NOTCH2: variants seen among roughly 807,000 people sequenced by gnomAD.
NOTCH2 encodes the protein neurogenic locus notch homolog protein 2.
In NOTCH2, 29 loss-of-function variants were observed where a neutral mutation model predicts 235.8. The ratio of observed to expected loss-of-function variants is 0.12; its 90% CI spans 0.09 to 0.17. The LOEUF is 0.17. Ranked by LOEUF, NOTCH2 falls within the 10% of genes least tolerant of loss-of-function variation. NOTCH2 has a pLI of 1.00. For synonymous variants in NOTCH2, 1,086 were observed against 1,141.5 expected, an observed-to-expected ratio of 0.95 and a Z score of 0.98; for missense variants, 2,285 against 3,150.2, an observed-to-expected ratio of 0.73 and a Z score of 6.57.
chr1:119,980,927 C>T (rs1344976100), intron 5 of NOTCH2, among the ~76,000 whole-genome samples: 7 of 152,144 alleles, frequency 4.6e-5, no homozygotes, highest in Admixed American at 4.6e-4. Context: ...CCCCTTTTCT[C>T]ACTTTCCTTC....
chr1:119,967,950 C>CATGT, intron 7 of NOTCH2, 127 bp downstream of exon 7: 1 of 1,034,556 alleles, frequency 9.7e-7, no homozygotes, highest in African/African-American at 1.6e-5. Flanking sequence ...AAACACTGGC[C>CATGT]ATGTAGCAAG....
intron 30 of NOTCH2, 37 bp from the exon 31 acceptor site, chr1:119,919,650 G>A: frequency 1.3e-6 from 2 of 1,598,830 alleles, no homozygotes; most frequent in Admixed American, 1.7e-5. Context: ...TACTCAAGAA[G>A]GAGAAGGTAG....
intron 3 of NOTCH2, among the ~76,000 whole-genome samples, chr1:119,999,976 A>AAGAAAGG (rs58528085): frequency 5.3e-5 from 3 of 56,660 alleles, no homozygotes; most frequent in Admixed American, 1.8e-4. Context: ...AGAAAGAAAG[A>AAGAAAGG]AAGGAAGGAA....
intron 15 of NOTCH2, chr1:119,950,018 A>G (rs1553197544): frequency 5.9e-6 from 1 of 168,854 alleles, no homozygotes; most frequent in East Asian, 1.7e-4. Context: ...AAATGTCCCA[A>G]GCACACTCCA....
At chr1:119,979,325 G>GA in intron 5 of NOTCH2, among the ~76,000 whole-genome samples, 1 of 152,252 alleles carries the variant, frequency 6.6e-6, no homozygotes, top group Non-Finnish European at 1.5e-5. Flanking sequence ...TACAACAAAT[G>GA]AAAAAGAAGG....
chr1:119,948,948 G>T lies in NOTCH2; in HGVS notation c.2599+59C>A. 1.9e-6 allele frequency: 3 copies of T among 1,610,262 alleles called. No homozygotes were observed. In the South Asian group the frequency reaches 3.3e-5, roughly 18 times the overall value. ...GGCCTTCCATATGATCTGATAACCT[G>T]ACCACTTTGTTTAAAGTCAGAATGC... On this transcript the variant is annotated intron_variant, in intron 16 of 33. Transcript: ENST00000256646.
rs587606204 is a variant in NOTCH2 at position 119,920,276 on chromosome 1, T to A, written c.5432A>T (p.Gln1811Leu). The A allele has an allele frequency of 6.2e-7, 1 of 1,614,102 alleles. No individual in the cohort carries two copies. The highest frequency in any genetic ancestry group is 2.2e-5 in the East Asian group (1 of 44,882). Residue 1811 changes from glutamine to leucine, a missense_variant, in exon 30 of 34, where the codon CAG becomes CTG. Around this residue, in one of 6 missense-constraint regions of NOTCH2, gnomAD observed 1,173 missense variants for 1,515.3 expected, o/e 0.77. Coordinates refer to ENST00000256646, the MANE Select transcript of NOTCH2 (RefSeq NM_024408.4). ...TAACACATCCACCTCCTGCTCTGCC[T>A]GAGGAGGGGTGAGAGCCAGCGATGG... ...RTPSLALTPP[Q>L]AEQEVDVLDV...
intron 23 of NOTCH2, among the ~76,000 whole-genome samples, chr1:119,927,100 T>C (rs1017495242): frequency 3.0e-4 from 45 of 152,260 alleles, no homozygotes; most frequent in Non-Finnish European, 5.9e-5. Flanking sequence ...TTGGCCTTTC[T>C]GTAACCTAAC....
At chr1:119,936,294 G>A (rs1196616804) in intron 21 of NOTCH2, among the ~76,000 whole-genome samples, 2 of 152,210 alleles carry the variant, frequency 1.3e-5, no homozygotes, top group African/African-American at 4.8e-5. Context: ...AAGGATCAGA[G>A]AAGGAGTCTA....
Position 119,922,458 on chromosome 1 carries a change from C to G in NOTCH2, c.5003-12G>C, listed in dbSNP as rs2101155040. On this transcript the variant is annotated splice_polypyrimidine_tract_variant and intron_variant, in intron 27 of 33. Transcript: ENST00000256646. Reference sequence around the variant, plus strand: ...AGTCAGGGATTCACCTGAAAGTCCACAGAGACAGGGAAAGTGCTGAATAAA... The same window carrying G: ...AGTCAGGGATTCACCTGAAAGTCCAGAGAGACAGGGAAAGTGCTGAATAAA... The G allele has an allele frequency of 6.2e-7, 1 of 1,608,120 alleles. No homozygotes were observed. Among genetic ancestry groups the G allele is most frequent in the East Asian group, 2.2e-5 (1 of 44,770 alleles).
chr1:119,934,813 C>T (rs1649788812), intron 22 of NOTCH2, among the ~76,000 whole-genome samples: 1 of 152,182 alleles, frequency 6.6e-6, no homozygotes, highest in African/African-American at 2.4e-5. Context: ...TCCCTTCTAA[C>T]AAACAATACT....
At chr1:120,029,437 G>A (rs1427161956) in intron 2 of NOTCH2, among the ~76,000 whole-genome samples, 2 of 151,700 alleles carry the variant, frequency 1.3e-5, no homozygotes, top group East Asian at 1.9e-4. Flanking sequence ...TGCAACCTCC[G>A]CCTCCTGGGT....
intron 2 of NOTCH2, among the ~76,000 whole-genome samples, chr1:120,022,831 T>C (rs1163655123): frequency 6.6e-6 from 1 of 152,154 alleles, no homozygotes; most frequent in Admixed American, 6.5e-5. Context: ...CCATTTGAAC[T>C]ACAAACTTAA....
intron 5 of NOTCH2, among the ~76,000 whole-genome samples, chr1:119,976,803 A>C (rs879985964): frequency 2.0e-5 from 3 of 152,126 alleles, no homozygotes; most frequent in African/African-American, 7.2e-5. Context: ...AAATGATCAC[A>C]TTCTTTCCCT....
chr1:120,045,870 T>C (rs181579019), intron 1 of NOTCH2, among the ~76,000 whole-genome samples: 3 of 152,288 alleles, frequency 2.0e-5, no homozygotes, highest in Non-Finnish European at 2.9e-5. Context: ...ATTAGGTGTG[T>C]GTACCCCAGA....
intron 29 of NOTCH2, among the ~76,000 whole-genome samples, chr1:119,921,041 A>AG (rs1267552990): frequency 3.3e-5 from 5 of 152,250 alleles, no homozygotes; most frequent in African/African-American, 1.2e-4. Flanking sequence ...GCATTTTACA[A>AG]GGAAGGATAA....
intron 31 of NOTCH2, 145 bp from the exon 32 acceptor site, chr1:119,918,698 A>G: frequency 1.3e-6 from 1 of 763,246 alleles, no homozygotes; most frequent in Non-Finnish European, 2.2e-6. Flanking sequence ...TGTGCCCAAG[A>G]TTCTATCATG....
intron 18 of NOTCH2, among the ~76,000 whole-genome samples, chr1:119,941,143 T>G (rs1458830908): frequency 1.3e-5 from 2 of 152,236 alleles, no homozygotes; most frequent in Non-Finnish European, 2.9e-5. Context: ...ATGCTCATAA[T>G]ATTATAAAAA....
In NOTCH2 at chr1:119,967,541, C is replaced by A; in HGVS notation, c.1345G>T (p.Ala449Ser). The A allele has an allele frequency of 6.2e-7, 1 of 1,614,100 alleles. No homozygotes were observed. Among genetic ancestry groups the A allele is most frequent in the Non-Finnish European group, 8.5e-7 (1 of 1,179,958 alleles). ...ATGTCCATCTCACAACGAGGTCCTGCATAACCCTTCAGACACTCACAGTGG... is the reference window on the plus strand; with the variant it reads ...ATGTCCATCTCACAACGAGGTCCTGAATAACCCTTCAGACACTCACAGTGG... ...AFHCECLKGY[A>S]GPRCEMDINE... The change falls in exon 8 of 34, where the codon GCA becomes TCA. Residue 449 changes from alanine (A) to serine (S), a missense_variant. Physicochemically the swap from Ala to Ser is moderately conservative, Grantham distance 99 (BLOSUM62 1). This residue lies in a region of NOTCH2 where 431 missense variants were observed against 757.8 expected (regional missense o/e 0.57). Coordinates refer to ENST00000256646, the MANE Select transcript of NOTCH2 (RefSeq NM_024408.4).
Sources: allele counts gnomAD v4.1 joint callset (sites outside exome capture counted in the v4.1 genomes callset), GRCh38; gene constraint gnomAD v4.1.1; regional missense constraint gnomAD v4.1.1; transcripts MANE v1.5; gene names NCBI Gene and HGNC (gene_info 2026-07-23, HGNC 2026-07-21).